LRRIQ1: variants seen among roughly 807,000 people sequenced by gnomAD.
The protein encoded by LRRIQ1 is leucine-rich repeat- and IQ domain-containing protein 1.
In LRRIQ1, 210 loss-of-function variants were observed where a neutral mutation model predicts 211.9. The observed-to-expected ratio is 0.99, with a 90% CI of 0.89 to 1.11. LRRIQ1 has a LOEUF of 1.11. Ranked by LOEUF, LRRIQ1 falls within the 50% of genes most tolerant of loss-of-function variation. The pLI, the probability that LRRIQ1 is intolerant of heterozygous loss-of-function variation, is 0.00. For missense variants in LRRIQ1, 2,136 were observed against 1,939.5 expected (o/e 1.10, Z -1.90); for synonymous variants, 699 against 650.1 (o/e 1.08, Z -1.14).
chr12:85,151,466 T>TA (rs1221195894), intron 19 of LRRIQ1, among the ~76,000 whole-genome samples: 4 of 151,502 alleles, frequency 2.6e-5, no homozygotes, highest in East Asian at 1.9e-4. Context: ...CAACCTTTTT[T>TA]AAAAAAAATT....
At position 85,066,762 on chromosome 12, in the gene LRRIQ1, G is replaced by A. The variant is rs1421667887; in HGVS notation, c.2559G>A (p.Glu853=). The change falls in exon 10 of 27, where the codon GAG becomes GAA. Residue 853 remains glutamate, a synonymous_variant. Transcript: ENST00000393217. ...CTTTGCTTCAGGAAAACCATATTGA[G>A]GCTATTGAGTGTGAAAATTTGGAAA... is the stretch of plus-strand genomic sequence containing the variant. ...KYIDAQENHI[E]AIECENLENL... is the part of the protein sequence containing the mutation. The A allele has an allele frequency of 3.1e-6, 5 of 1,592,952 alleles. No individual in the cohort carries two copies. The highest frequency in any genetic ancestry group is 3.4e-6 in the Non-Finnish European group (4 of 1,171,794).
chr12:85,197,948 TATA>T (rs1271928930), intron 24 of LRRIQ1, among the ~76,000 whole-genome samples: 1 of 111,934 alleles, frequency 8.9e-6, no homozygotes, highest in Non-Finnish European at 1.7e-5. Flanking sequence ...TATATTTATA[TATA>T]ATTATATATT....
At chr12:85,205,435 C>T (rs1436571056) in intron 24 of LRRIQ1, among the ~76,000 whole-genome samples, 1 of 152,138 alleles carries the variant, frequency 6.6e-6, no homozygotes, top group East Asian at 1.9e-4. Context: ...CCCCCATTGT[C>T]TTCTGGCTTG....
intron 24 of LRRIQ1, among the ~76,000 whole-genome samples, chr12:85,195,622 A>G (rs1474592150): frequency 6.6e-6 from 1 of 151,768 alleles, no homozygotes; most frequent in East Asian, 1.9e-4. Flanking sequence ...ACAAAATTCA[A>G]CAACCCTTCA....
intron 24 of LRRIQ1, among the ~76,000 whole-genome samples, chr12:85,205,207 C>T (rs1349204059): frequency 1.3e-5 from 2 of 152,140 alleles, no homozygotes; most frequent in African/African-American, 4.8e-5. Context: ...GCTTCCCCAG[C>T]CATGTAGAAC....
intron 24 of LRRIQ1, among the ~76,000 whole-genome samples, chr12:85,190,955 G>A (rs1892481961): frequency 6.6e-6 from 1 of 151,916 alleles, no homozygotes; most frequent in Admixed American, 6.6e-5. Flanking sequence ...TTCTGTTTCT[G>A]GCAGTGTGGT....
chr12:85,081,723 C>CTTTTTTTTTT (rs766961193), intron 11 of LRRIQ1, among the ~76,000 whole-genome samples: 15 of 113,436 alleles, frequency 1.3e-4, no homozygotes, highest in African/African-American at 2.2e-4. Flanking sequence ...TCTTCTTCTT[C>CTTTTTTTTTT]TTTTTTTTTT....
intron 26 of LRRIQ1, among the ~76,000 whole-genome samples, chr12:85,243,049 A>C (rs1895535404): frequency 6.6e-6 from 1 of 151,656 alleles, no homozygotes; most frequent in Non-Finnish European, 1.5e-5. Flanking sequence ...TTAAATAAAT[A>C]AACCTCATTT....
chr12:85,101,069 C>G (rs1886311797), intron 13 of LRRIQ1, among the ~76,000 whole-genome samples: 2 of 151,590 alleles, frequency 1.3e-5, no homozygotes, highest in Admixed American at 1.3e-4. Context: ...CCTATCTTAC[C>G]TAGTTTATGG....
At chr12:85,234,087 A>T (rs1032678147) in intron 26 of LRRIQ1, among the ~76,000 whole-genome samples, 9 of 151,896 alleles carry the variant, frequency 5.9e-5, no homozygotes, top group Non-Finnish European at 1.3e-4. Context: ...TACAAAAAAA[A>T]ATAGCTGAGC....
At chr12:85,141,841 C>A (rs1246440409) in intron 19 of LRRIQ1, among the ~76,000 whole-genome samples, 1 of 149,650 alleles carries the variant, frequency 6.7e-6, no homozygotes, top group African/African-American at 2.4e-5. Context: ...TTTTTATTAC[C>A]CTCTTTTGCA....
downstream of LRRIQ1, chr12:85,245,186 T>C (rs556939906): frequency 2.4e-4 from 103 of 436,592 alleles, no homozygotes; most frequent in Non-Finnish European, 3.4e-4. Context: ...ATTGAATTCT[T>C]TGATCATTTA....
intron 24 of LRRIQ1, among the ~76,000 whole-genome samples, chr12:85,207,513 A>G (rs540830444): frequency 6.6e-6 from 1 of 152,144 alleles, no homozygotes; most frequent in African/African-American, 2.4e-5. Context: ...ACACAGAAGC[A>G]TTTTTAATTT....
chr12:85,079,981 A>C (rs767696087), intron 11 of LRRIQ1, among the ~76,000 whole-genome samples: 1 of 152,056 alleles, frequency 6.6e-6, no homozygotes, highest in Non-Finnish European at 1.5e-5. Context: ...TGCCCAAAGA[A>C]TATCTATTAG....
chr12:85,269,556 C>T, the LRRIQ1 span, among the ~76,000 whole-genome samples: 2 of 151,962 alleles, frequency 1.3e-5, no homozygotes, highest in Non-Finnish European at 2.9e-5. Context: ...TCTTAAATCT[C>T]AGTGAATCTG....
chr12:85,253,717 C>A (rs1896012152), intron 1 of LRRIQ1, among the ~76,000 whole-genome samples: 1 of 152,042 alleles, frequency 6.6e-6, no homozygotes, highest in African/African-American at 2.4e-5. Flanking sequence ...CAAATGGACA[C>A]ACACACACAG....
chr12:85,213,176 G>A (rs565318922), intron 24 of LRRIQ1, among the ~76,000 whole-genome samples: 1 of 151,076 alleles, frequency 6.6e-6, no homozygotes, highest in Non-Finnish European at 1.5e-5. Flanking sequence ...TCTAACAACA[G>A]CAACAAAAAA....
At chr12:85,123,746 G>A (rs1888153789) in intron 16 of LRRIQ1, among the ~76,000 whole-genome samples, 1 of 152,000 alleles carries the variant, frequency 6.6e-6, no homozygotes, top group Non-Finnish European at 1.5e-5. Flanking sequence ...AATTTAGTCA[G>A]CCATGATTTC....
chr12:85,103,033 C>A (rs968312795), intron 13 of LRRIQ1, among the ~76,000 whole-genome samples: 3 of 143,554 alleles, frequency 2.1e-5, no homozygotes, highest in African/African-American at 7.7e-5. Context: ...GATGAGCTGG[C>A]TTCATTTAAT....
Sources: gnomAD v4.1 joint callset for allele counts (sites outside exome capture counted in the v4.1 genomes callset) on GRCh38, gnomAD v4.1.1 for gene constraint, MANE v1.5 for transcripts, NCBI Gene and HGNC (gene_info 2026-07-23, HGNC 2026-07-21) for gene names.